INPP4B: variants seen among roughly 807,000 people sequenced by gnomAD.
The protein encoded by INPP4B is inositol polyphosphate-4-phosphatase type II B.
Under a neutral mutation model 122.5 loss-of-function variants are expected in INPP4B, and 55 were observed. That is an observed-to-expected ratio of 0.45 (90% confidence interval 0.36 to 0.56). The LOEUF (loss-of-function observed/expected upper bound fraction) is 0.56. Among genes scored for constraint, INPP4B ranks in the 20% least tolerant of loss-of-function variants. INPP4B has a pLI of 0.00. For synonymous variants in INPP4B, 403 were observed against 388.7 expected (o/e 1.04, Z -0.43); for missense variants, 1,000 against 1,097.7 (o/e 0.91, Z 1.26).
At chr4:142,435,879 G>C (rs2149403707) in intron 3 of INPP4B, among the ~76,000 whole-genome samples, 1 of 152,242 alleles carries the variant, frequency 6.6e-6, no homozygotes. Context: ...ATCTGCCTAA[G>C]TCAGCCAGGT....
At chr4:142,160,989 C>T (rs545605437) in intron 16 of INPP4B, among the ~76,000 whole-genome samples, 1 of 152,018 alleles carries the variant, frequency 6.6e-6, no homozygotes, top group East Asian at 1.9e-4. Flanking sequence ...ACTTTTGCAC[C>T]AGCCTAATAT....
At chr4:142,382,604 A>G (rs1309052101) in intron 7 of INPP4B, among the ~76,000 whole-genome samples, 3 of 115,856 alleles carry the variant, frequency 2.6e-5, no homozygotes, top group South Asian at 2.3e-4. Flanking sequence ...AAATATATAT[A>G]TTTATATATT....
intron 1 of INPP4B, among the ~76,000 whole-genome samples, chr4:142,831,021 C>CA (rs1344110737): frequency 6.8e-6 from 1 of 147,194 alleles, no homozygotes; most frequent in African/African-American, 2.5e-5. Context: ...GACCCTGTCT[C>CA]AAAAAAGGAA....
intron 14 of INPP4B, chr4:142,202,670 G>C: frequency 3.3e-6 from 3 of 907,290 alleles, no homozygotes; most frequent in Non-Finnish European, 4.0e-6. Flanking sequence ...TGTTGGACCT[G>C]ATTTCACCTA....
chr4:142,450,384 C>T (rs574434108), intron 3 of INPP4B, among the ~76,000 whole-genome samples: 15 of 152,300 alleles, frequency 9.8e-5, no homozygotes, highest in African/African-American at 3.6e-4. Flanking sequence ...TTTTAGGACA[C>T]GCTGCAGTTC....
At chr4:142,069,256 C>T (rs1765510832) in intron 25 of INPP4B, among the ~76,000 whole-genome samples, 1 of 152,090 alleles carries the variant, frequency 6.6e-6, no homozygotes, top group Non-Finnish European at 1.5e-5. Context: ...AAAATGAAGG[C>T]AGAAATAAAG....
At chr4:142,697,077 C>T (rs534392125) in intron 2 of INPP4B, among the ~76,000 whole-genome samples, 1 of 152,208 alleles carries the variant, frequency 6.6e-6, no homozygotes, top group African/African-American at 2.4e-5. Context: ...AAAATTCTTA[C>T]AATCATATTA....
chr4:142,717,765 A>G (rs1174360255), intron 2 of INPP4B, among the ~76,000 whole-genome samples: 1 of 152,048 alleles, frequency 6.6e-6, no homozygotes, highest in African/African-American at 2.4e-5. Context: ...GGGGAGGGAT[A>G]GCATTAGGAG....
chr4:142,547,619 T>C (rs953373627), intron 2 of INPP4B, among the ~76,000 whole-genome samples: 4 of 152,146 alleles, frequency 2.6e-5, no homozygotes, highest in Non-Finnish European at 4.4e-5. Flanking sequence ...TCAGGAAAAC[T>C]GAAGACCATG....
chr4:142,785,525 G>A (rs1463207205), intron 1 of INPP4B, among the ~76,000 whole-genome samples: 1 of 151,960 alleles, frequency 6.6e-6, no homozygotes, highest in Non-Finnish European at 1.5e-5. Context: ...TCAAAAACGC[G>A]ATGATAGAAA....
At chr4:142,558,317 G>T (rs1210871699) in intron 2 of INPP4B, among the ~76,000 whole-genome samples, 3 of 151,950 alleles carry the variant, frequency 2.0e-5, no homozygotes, top group Non-Finnish European at 4.4e-5. Context: ...TGGATTCATA[G>T]CACTTATTTG....
At chr4:142,341,755 T>C (rs1392804238) in intron 7 of INPP4B, among the ~76,000 whole-genome samples, 1 of 152,226 alleles carries the variant, frequency 6.6e-6, no homozygotes, top group East Asian at 1.9e-4. Context: ...GGACTTGATA[T>C]AGTAAGTAGC....
In INPP4B at chr4:142,692,936, T is replaced by TAGATAGATAGATAGATAGATAGATAGAC. The variant is rs934213027; in HGVS notation, c.-191+32902_-191+32903insGTCTATCTATCTATCTATCTATCTATCT. Among the ~76,000 whole-genome samples the TAGATAGATAGATAGATAGATAGATAGAC allele has an allele frequency of 4.9e-4, 73 of 150,274 alleles. 1 individual carries two copies. The highest frequency in any genetic ancestry group is 1.8e-3 in the African/African-American group (72 of 40,188). On this transcript the variant is annotated intron_variant, in intron 2 of 25. Coordinates refer to ENST00000262992, the MANE Select transcript of INPP4B (RefSeq NM_001101669.3). Reference sequence around the variant, plus strand: ...CTCTATAGATAGATAGATAGATAGATACATAGATACATAGATAGAGATAGA... The same window carrying TAGATAGATAGATAGATAGATAGATAGAC: ...CTCTATAGATAGATAGATAGATAGATAGATAGATAGATAGATAGATAGATAGACACATAGATACATAGATAGAGATAGA...
chr4:142,398,694 A>G (rs1413153432), intron 7 of INPP4B, among the ~76,000 whole-genome samples: 1 of 152,056 alleles, frequency 6.6e-6, no homozygotes, highest in Non-Finnish European at 1.5e-5. Flanking sequence ...ACTACTGTCT[A>G]GGGAACTGCT....
At chr4:142,708,765 G>A (rs1401432161) in intron 2 of INPP4B, among the ~76,000 whole-genome samples, 1 of 152,214 alleles carries the variant, frequency 6.6e-6, no homozygotes. Context: ...AGGGCAATAT[G>A]GAGGGTAAAT....
At chr4:142,419,583 A>G (rs1357692894) in intron 5 of INPP4B, among the ~76,000 whole-genome samples, 1 of 152,136 alleles carries the variant, frequency 6.6e-6, no homozygotes, top group African/African-American at 2.4e-5. Context: ...AAGTCACTTA[A>G]CCACTCAAAG....
intron 1 of INPP4B, among the ~76,000 whole-genome samples, chr4:142,753,043 T>C (rs936556172): frequency 2.0e-5 from 3 of 152,042 alleles, no homozygotes; most frequent in African/African-American, 7.2e-5. Context: ...AGAGGAGAGC[T>C]CCAAGCCTCA....
intron 1 of INPP4B, among the ~76,000 whole-genome samples, chr4:142,780,702 G>C (rs1376519547): frequency 6.6e-6 from 1 of 152,102 alleles, no homozygotes; most frequent in Admixed American, 6.6e-5. Context: ...GGGAGGTTGA[G>C]GCAGAGAACT....
chr4:142,167,817 T>C (rs982368199), intron 16 of INPP4B, among the ~76,000 whole-genome samples: 1 of 151,702 alleles, frequency 6.6e-6, no homozygotes, highest in Non-Finnish European at 1.5e-5. Flanking sequence ...GCCTATTCTT[T>C]TGTGTACATT....
Sources: allele counts gnomAD v4.1 joint callset (sites outside exome capture counted in the v4.1 genomes callset), GRCh38; gene constraint gnomAD v4.1.1; transcripts MANE v1.5; gene names NCBI Gene and HGNC (gene_info 2026-07-23, HGNC 2026-07-21).